LARGE1: variants seen among roughly 807,000 people sequenced by gnomAD.
The protein encoded by LARGE1 is xylosyl- and glucuronyltransferase LARGE1.
Under a neutral mutation model 87.6 loss-of-function variants are expected in LARGE1, and 43 were observed. The ratio of observed to expected loss-of-function variants is 0.49; its 90% CI spans 0.38 to 0.63. The LOEUF is 0.63. Ranked by LOEUF, LARGE1 falls within the 30% of genes least tolerant of loss-of-function variation. LARGE1 has a pLI of 0.00. For missense variants in LARGE1, 802 were observed against 1,000.2 expected, an observed-to-expected ratio of 0.80 and a Z score of 2.67; for synonymous variants, 434 against 394.6, an observed-to-expected ratio of 1.10 and a Z score of -1.18.
intron 11 of LARGE1, among the ~76,000 whole-genome samples, chr22:33,261,617 A>G (rs1452356877): frequency 6.6e-6 from 1 of 151,972 alleles, no homozygotes; most frequent in Non-Finnish European, 1.5e-5. Flanking sequence ...AAAGAAAAAA[A>G]AAAAGACCAA....
intron 7 of LARGE1, among the ~76,000 whole-genome samples, chr22:33,403,587 G>C (rs1268758793): frequency 6.6e-6 from 1 of 151,968 alleles, no homozygotes; most frequent in East Asian, 1.9e-4. Flanking sequence ...GTCTTACCTG[G>C]ACCATACCGG....
intron 1 of LARGE1, among the ~76,000 whole-genome samples, chr22:33,812,475 T>A (rs557144293): frequency 6.6e-6 from 1 of 152,190 alleles, no homozygotes; most frequent in Non-Finnish European, 1.5e-5. Context: ...TTCATTCAGG[T>A]CTCCTAGGAA....
chr22:33,638,909 A>C (rs2080348789), intron 3 of LARGE1, among the ~76,000 whole-genome samples: 1 of 152,232 alleles, frequency 6.6e-6, no homozygotes, highest in Admixed American at 6.5e-5. Context: ...AGAGGATAAC[A>C]TTCATTCACT....
chr22:33,673,444 G>A (rs1038532733), intron 2 of LARGE1, among the ~76,000 whole-genome samples: 1 of 152,098 alleles, frequency 6.6e-6, no homozygotes, highest in Non-Finnish European at 1.5e-5. Flanking sequence ...CAAACTCTCA[G>A]CAGGTCTCTC....
At position 33,761,538 on chromosome 22, in the gene LARGE1, C is replaced by A. The variant is rs2084730421; in HGVS notation, c.-62G>T. On this transcript the variant is annotated 5_prime_UTR_variant, in exon 2 of 15. The change creates a premature stop within an existing upstream ORF in the 5' untranslated region. Transcript: ENST00000397394. Reference sequence around the variant, plus strand: ...TTCTCTGTCCGGAGCATGAAGTCCTCGGCCTCCCTCATAATACTCTCTGAA... The same window carrying A: ...TTCTCTGTCCGGAGCATGAAGTCCTAGGCCTCCCTCATAATACTCTCTGAA... The A allele has an allele frequency of 7.6e-7, 1 of 1,307,616 alleles. No individual in the cohort carries two copies. Among genetic ancestry groups the A allele is most frequent in the African/African-American group, 1.5e-5 (1 of 68,874 alleles). 81.0% of individuals were successfully genotyped at this position (1,307,616 alleles called of 1,614,324 possible).
In LARGE1 at chr22:33,671,201, C is replaced by T. The variant is rs2081400294; in HGVS notation, c.107-20533G>A. Among the ~76,000 whole-genome samples the T allele has an allele frequency of 2.0e-5, 3 of 152,168 alleles. No homozygotes were observed. In the South Asian group the frequency reaches 6.2e-4, roughly 32 times the overall value. ...AGCTAAAAAAGAGTTGTCCTCTAAACCTCCCTGCTGCAGGAAGTACACCAC... is the reference window on the plus strand; with the variant it reads ...AGCTAAAAAAGAGTTGTCCTCTAAATCTCCCTGCTGCAGGAAGTACACCAC... On this transcript the variant is annotated intron_variant, in intron 2 of 14. Transcript: ENST00000397394.
chr22:33,766,931 T>TATATATATATAC (rs2084923003), intron 1 of LARGE1, among the ~76,000 whole-genome samples: 4 of 15,244 alleles, frequency 2.6e-4, no homozygotes, highest in Non-Finnish European at 5.1e-4. Flanking sequence ...TATATATATA[T>TATATATATATAC]ATATATATAT....
chr22:33,811,573 C>A (rs1348376683), intron 1 of LARGE1, among the ~76,000 whole-genome samples: 3 of 152,112 alleles, frequency 2.0e-5, no homozygotes, highest in African/African-American at 7.2e-5. Flanking sequence ...CAAATATTCG[C>A]AACGTGGAAG....
rs138059873 is a variant in LARGE1, at chr22:33,272,807, G to A, written c.*1620C>T. ...ATGTTCCCTTTACAATTGATTACCA[G>A]GATTTACCCTCCTAGCCCACATCTG... On this transcript the variant is annotated 3_prime_UTR_variant, in exon 15 of 15. Transcript: ENST00000397394. 1.3e-5 allele frequency: 2 copies of A among 152,266 alleles called. No individual in the cohort carries two copies. Among genetic ancestry groups the A allele is most frequent in the African/African-American group, 4.8e-5 (2 of 41,546 alleles). The allele number at this position is 152,266 out of a possible 1,614,324, so 9.4% of individuals were successfully genotyped here.
At chr22:33,351,165 T>C (rs189629172) in intron 9 of LARGE1, among the ~76,000 whole-genome samples, 1 of 152,364 alleles carries the variant, frequency 6.6e-6, no homozygotes, top group East Asian at 1.9e-4. Context: ...GTCTAGCTCA[T>C]AGCAAGTGTG....
At chr22:33,814,652 C>T (rs906085379) in intron 1 of LARGE1, among the ~76,000 whole-genome samples, 1 of 152,132 alleles carries the variant, frequency 6.6e-6, no homozygotes, top group African/African-American at 2.4e-5. Flanking sequence ...GTCCAGCCTG[C>T]CAGTGTAACC....
chr22:33,125,499 T>C, the LARGE1 span, among the ~76,000 whole-genome samples: 17 of 150,074 alleles, frequency 1.1e-4, no homozygotes, highest in Non-Finnish European at 1.9e-4. Flanking sequence ...CAGACTGGAG[T>C]GCAATGGCAT....
At chr22:33,162,156 A>G (rs1358784255), downstream of LARGE1, 1 of 152,190 alleles carries the variant, frequency 6.6e-6, no homozygotes, top group Non-Finnish European at 1.5e-5. Context: ...CTCTCATTAT[A>G]ATGAGATAAT....
chr22:33,069,816 CTTT>C, the LARGE1 span, among the ~76,000 whole-genome samples: 2 of 126,768 alleles, frequency 1.6e-5, no homozygotes, highest in Admixed American at 8.8e-5. Flanking sequence ...TTATTACATT[CTTT>C]TTTTTTTTTT....
chr22:33,762,267 A>T (rs993723699), intron 1 of LARGE1, among the ~76,000 whole-genome samples: 1 of 150,606 alleles, frequency 6.6e-6, no homozygotes, highest in African/African-American at 2.4e-5. Context: ...TGGATTCAAA[A>T]AGTGTAGTCT....
At chr22:33,664,894 C>G (rs1488745138) in intron 2 of LARGE1, among the ~76,000 whole-genome samples, 5 of 152,086 alleles carry the variant, frequency 3.3e-5, no homozygotes, top group Non-Finnish European at 7.4e-5. Context: ...AACAAAAAAA[C>G]TGGTTATCAG....
chr22:33,717,438 G>C (rs1447687500), intron 2 of LARGE1, among the ~76,000 whole-genome samples: 2 of 152,130 alleles, frequency 1.3e-5, no homozygotes, highest in Non-Finnish European at 2.9e-5. Context: ...TTCTTTTCCA[G>C]TATTGATACA....
At chr22:33,371,915 C>T (rs2064822456) in intron 9 of LARGE1, among the ~76,000 whole-genome samples, 1 of 150,036 alleles carries the variant, frequency 6.7e-6, no homozygotes, top group South Asian at 2.1e-4. Context: ...ATGTGGGAGG[C>T]AGAGCTTGCA....
At chr22:33,757,142 C>T in intron 2 of LARGE1, among the ~76,000 whole-genome samples, 1 of 152,200 alleles carries the variant, frequency 6.6e-6, no homozygotes, top group East Asian at 1.9e-4. Context: ...GAATGGGAAT[C>T]TCATCTCTTT....
Sources: gnomAD v4.1 joint callset for allele counts (sites outside exome capture counted in the v4.1 genomes callset) on GRCh38, gnomAD v4.1.1 for gene constraint, MANE v1.5 for transcripts, NCBI Gene and HGNC (gene_info 2026-07-23, HGNC 2026-07-21) for gene names.